SOBP: variants seen among roughly 807,000 people sequenced by gnomAD.
SOBP encodes sine oculis-binding protein homolog.
Under a neutral mutation model 53.6 loss-of-function variants are expected in SOBP, and 4 were observed. The observed-to-expected ratio is 0.07, with a 90% CI of 0.04 to 0.17. SOBP has a LOEUF of 0.17. Ranked by LOEUF, SOBP falls within the 10% of genes least tolerant of loss-of-function variation. The probability of loss-of-function intolerance (pLI) is 1.00; values close to 1 mark genes in which losing one functional copy is unlikely to be tolerated. For synonymous variants in SOBP, 584 were observed against 522.6 expected (o/e 1.12, Z -1.60); for missense variants, 1,088 against 1,204.7 (o/e 0.90, Z 1.43).
chr6:107,629,823 C>A (rs1770626394), intron 5 of SOBP, among the ~76,000 whole-genome samples: 1 of 152,198 alleles, frequency 6.6e-6, no homozygotes, highest in Non-Finnish European at 1.5e-5. Context: ...AGGAAATGTT[C>A]ATTCTGTTGT....
At chr6:107,494,479 C>G (rs1782651603) in intron 1 of SOBP, among the ~76,000 whole-genome samples, 1 of 152,168 alleles carries the variant, frequency 6.6e-6, no homozygotes, top group Non-Finnish European at 1.5e-5. Context: ...CTTTTGTGAT[C>G]AGTAGCTACC....
chr6:107,577,991 G>A lies in SOBP; in HGVS notation c.574-9089G>A, dbSNP rs1486587342. On this transcript the variant is annotated intron_variant, in intron 4 of 6. Transcript: ENST00000317357. ...CGGGAGGCTGAGGCAGGAGAATGGC[G>A]TGAACCGGGGAGGCGAAGCTTGCAG... Among the ~76,000 whole-genome samples, 4 of 151,310 alleles carry A rather than the reference G, an allele frequency of 2.6e-5. No homozygotes were observed. The East Asian group carries it at 5.8e-4, about 22-fold the overall frequency.
At chr6:107,630,662 C>G (rs1378131078) in intron 5 of SOBP, among the ~76,000 whole-genome samples, 1 of 151,890 alleles carries the variant, frequency 6.6e-6, no homozygotes, top group East Asian at 1.9e-4. Context: ...TTTGCTTCAC[C>G]AGAAAGATTG....
At chr6:107,644,648 G>A (rs1583306836) in intron 6 of SOBP, among the ~76,000 whole-genome samples, 1 of 152,280 alleles carries the variant, frequency 6.6e-6, no homozygotes, top group East Asian at 1.9e-4. Flanking sequence ...CAACTTTCTG[G>A]TAAGAATGGG....
intron 3 of SOBP, among the ~76,000 whole-genome samples, chr6:107,511,090 A>G (rs1382344905): frequency 1.1e-4 from 16 of 152,250 alleles, no homozygotes; most frequent in Admixed American, 1.0e-3. Flanking sequence ...TATTAAATTT[A>G]AAGAGCTGAA....
intron 4 of SOBP, among the ~76,000 whole-genome samples, chr6:107,566,091 T>C (rs1480982586): frequency 1.3e-5 from 2 of 152,242 alleles, no homozygotes; most frequent in African/African-American, 2.4e-5. Context: ...AATTGGCTGA[T>C]TTTTTATCAA....
rs73762286 is a variant in SOBP, at chr6:107,614,082, G to A, written c.670-19432G>A. Among the ~76,000 whole-genome samples the A allele has an allele frequency of 7.1e-3, 1,080 of 152,286 alleles. 14 individuals carry two copies. The highest frequency in any genetic ancestry group is 0.024 in the African/African-American group (1,003 of 41,554). ...AAGGCAGAGCAGCCTGGCCCATGAT[G>A]GTCTGGATGTTATGATGCCTTAAGT... On this transcript the variant is annotated intron_variant, in intron 5 of 6. Coordinates refer to ENST00000317357, the MANE Select transcript of SOBP (RefSeq NM_018013.4).
intron 5 of SOBP, among the ~76,000 whole-genome samples, chr6:107,617,950 C>T (rs949538267): frequency 8.6e-5 from 13 of 151,724 alleles, no homozygotes; most frequent in Admixed American, 2.6e-4. Context: ...GCCTCAGCCT[C>T]CCAAGTAGCT....
Position 107,634,804 on chromosome 6 carries a change from A to T in SOBP, c.1960A>T (p.Ile654Phe), listed in dbSNP as rs746538110. The T allele has an allele frequency of 1.8e-5, 25 of 1,405,400 alleles. No individual in the cohort carries two copies. The South Asian group carries it at 3.4e-4, about 19-fold the overall frequency. The allele number at this position is 1,405,400 out of a possible 1,614,324, so 87.1% of individuals were successfully genotyped here. ...GCTGCAGGGCCCGCAGGACGGCGTC[A>T]TCGACCTGACCGTGGGCCACCGAGC... ...GVLQGPQDGV[I>F]DLTVGHRARL... The change falls in exon 6 of 7, where the codon ATC becomes TTC. Residue 654 changes from isoleucine (I) to phenylalanine (F), a missense_variant. This residue lies in a region of SOBP where 665 missense variants were observed against 629.7 expected (regional missense o/e 1.06). Transcript: ENST00000317357. The surrounding 1 kb of genome is among the most constrained non-coding windows in gnomAD (Gnocchi z 4.5).
chr6:107,605,337 A>G (rs1786334956), intron 5 of SOBP, among the ~76,000 whole-genome samples: 1 of 152,256 alleles, frequency 6.6e-6, no homozygotes, highest in African/African-American at 2.4e-5. Context: ...TGGGGAACCC[A>G]AGAGGTGCTG....
chr6:107,526,367 A>G (rs764449317), intron 3 of SOBP, among the ~76,000 whole-genome samples: 4 of 152,148 alleles, frequency 2.6e-5, no homozygotes, highest in Non-Finnish European at 2.9e-5. Flanking sequence ...TTCAGGCCCT[A>G]TCAGCTCCTG....
chr6:107,631,437 T>G (rs1488991191), intron 5 of SOBP, among the ~76,000 whole-genome samples: 1 of 152,236 alleles, frequency 6.6e-6, no homozygotes, highest in African/African-American at 2.4e-5. Flanking sequence ...TACATTAATT[T>G]TATTTAAATG....
chr6:107,654,297 T>A (rs1771924655), intron 6 of SOBP, among the ~76,000 whole-genome samples: 1 of 152,230 alleles, frequency 6.6e-6, no homozygotes, highest in Non-Finnish European at 1.5e-5. Context: ...TAATTGTGTG[T>A]GTCTGATGCT....
intron 4 of SOBP, among the ~76,000 whole-genome samples, chr6:107,546,660 A>C (rs200276165): frequency 1.3e-5 from 2 of 152,386 alleles, no homozygotes; most frequent in East Asian, 3.9e-4. Flanking sequence ...AAGGAATGAC[A>C]GAACAGTACA....
chr6:107,562,216 A>G (rs1021336439), intron 4 of SOBP, among the ~76,000 whole-genome samples: 3 of 151,856 alleles, frequency 2.0e-5, no homozygotes, highest in African/African-American at 7.3e-5. Context: ...ATGGGGTTTT[A>G]CCATGTTGGC....
At chr6:107,586,107 G>C (rs1164940986) in intron 4 of SOBP, among the ~76,000 whole-genome samples, 1 of 152,148 alleles carries the variant, frequency 6.6e-6, no homozygotes, top group Non-Finnish European at 1.5e-5. Context: ...CTTCACTAGG[G>C]CTTTTAAAAA....
At position 107,506,248 on chromosome 6, in the gene SOBP, C is replaced by G. The variant is rs368511797; in HGVS notation, c.242C>G (p.Ser81Cys). 1.9e-6 allele frequency: 3 copies of G among 1,613,878 alleles called. No homozygotes were observed. The Admixed American group carries it at 5.0e-5, about 27-fold the overall frequency. ...TGATTTTTTTCTTTTACAGAAAATT[C>G]TTTGCCAAAACCAAAATTACCCGAG... ...RQHISVLKEN[S>C]LPKPKLPEDS... is the part of the protein sequence containing the mutation. The change falls in exon 3 of 7, where the codon TCT (serine) becomes TGT (cysteine). Residue 81 changes from serine to cysteine, a missense_variant. Ser to Cys is a moderately radical substitution (Grantham distance 112). Coordinates refer to ENST00000317357, the MANE Select transcript of SOBP (RefSeq NM_018013.4).
At chr6:107,616,834 G>T (rs935796508) in intron 5 of SOBP, among the ~76,000 whole-genome samples, 2 of 152,160 alleles carry the variant, frequency 1.3e-5, no homozygotes, top group African/African-American at 4.8e-5. Flanking sequence ...GCCCTTGGCT[G>T]TCTTGCCTGG....
At chr6:107,545,258 A>G (rs1784265637) in intron 4 of SOBP, among the ~76,000 whole-genome samples, 1 of 152,338 alleles carries the variant, frequency 6.6e-6, no homozygotes, top group East Asian at 1.9e-4. Context: ...GTTTTGTTAT[A>G]TATAGAGAGA....
Sources: allele counts gnomAD v4.1 joint callset (sites outside exome capture counted in the v4.1 genomes callset), GRCh38; gene constraint gnomAD v4.1.1; regional missense constraint gnomAD v4.1.1; non-coding constraint Gnocchi (gnomAD v3.1); transcripts MANE v1.5; gene names NCBI Gene and HGNC (gene_info 2026-07-23, HGNC 2026-07-21).